The following METTL15 variants were observed in gnomAD, a reference collection of about 807,000 sequenced individuals.
METTL15 encodes methyltransferase 15, mitochondrial 12S rRNA N4-cytidine.
Under a neutral mutation model 38.3 loss-of-function variants are expected in METTL15, and 34 were observed. That is an observed-to-expected ratio of 0.89 (90% confidence interval 0.68 to 1.18). The LOEUF (loss-of-function observed/expected upper bound fraction) is 1.18, where lower values mean the gene tolerates loss of function less well. METTL15 is among the 50% of genes most tolerant of loss of function. The probability of loss-of-function intolerance (pLI) is 0.00; values close to 1 mark genes in which losing one functional copy is unlikely to be tolerated. For synonymous variants in METTL15, 162 were observed against 170.9 expected, an observed-to-expected ratio of 0.95 and a Z score of 0.41; for missense variants, 438 against 498.4, an observed-to-expected ratio of 0.88 and a Z score of 1.15.
At chr11:28,146,197 C>T (rs1014319140) in intron 3 of METTL15, among the ~76,000 whole-genome samples, 3 of 151,936 alleles carry the variant, frequency 2.0e-5, no homozygotes, top group East Asian at 1.9e-4. Flanking sequence ...CATATCCTTC[C>T]GGTCATCTAA....
intron 4 of METTL15, among the ~76,000 whole-genome samples, chr11:28,289,986 T>C (rs1177230114): frequency 6.6e-6 from 1 of 152,160 alleles, no homozygotes; most frequent in Non-Finnish European, 1.5e-5. Flanking sequence ...ATAAATTGTG[T>C]TTATCAGCAG....
At chr11:28,128,242 A>G (rs891257476) in intron 3 of METTL15, among the ~76,000 whole-genome samples, 1 of 151,998 alleles carries the variant, frequency 6.6e-6, no homozygotes, top group Non-Finnish European at 1.5e-5. Flanking sequence ...TTAAGGATAG[A>G]AAAAAAATTA....
chr11:28,365,534 C>A (rs572527165), intron 5 of METTL15, among the ~76,000 whole-genome samples: 1 of 152,048 alleles, frequency 6.6e-6, no homozygotes, highest in Non-Finnish European at 1.5e-5. Flanking sequence ...TTTGTCATAT[C>A]TGATTGCATT....
At chr11:28,205,677 G>T (rs1246934122) in intron 3 of METTL15, among the ~76,000 whole-genome samples, 4 of 151,318 alleles carry the variant, frequency 2.6e-5, no homozygotes, top group African/African-American at 9.8e-5. Context: ...CTGAGGAATC[G>T]CCACACTGAC....
At chr11:28,120,670 G>A (rs574469460) in intron 3 of METTL15, among the ~76,000 whole-genome samples, 12 of 152,124 alleles carry the variant, frequency 7.9e-5, no homozygotes, top group African/African-American at 2.9e-4. Flanking sequence ...TATCAATCAC[G>A]ATGCAGTTTT....
chr11:28,255,954 C>T (rs576172370), intron 4 of METTL15, among the ~76,000 whole-genome samples: 96 of 152,270 alleles, frequency 6.3e-4, no homozygotes, highest in African/African-American at 2.1e-3. Context: ...CCGCCTGCCT[C>T]GGACTCCCAA....
intron 3 of METTL15, among the ~76,000 whole-genome samples, chr11:28,144,690 A>G (rs1220931712): frequency 1.9e-4 from 29 of 152,042 alleles, no homozygotes; most frequent in Admixed American, 1.9e-3. Context: ...TCTCTCTTGT[A>G]GTGGTTTTTA....
At chr11:28,378,583 A>G (rs896491124) in intron 5 of METTL15, among the ~76,000 whole-genome samples, 1 of 152,090 alleles carries the variant, frequency 6.6e-6, no homozygotes, top group Non-Finnish European at 1.5e-5. Context: ...TGAACCGGGT[A>G]CCTCAGATGG....
intron 5 of METTL15, among the ~76,000 whole-genome samples, chr11:28,380,277 C>T (rs1386551626): frequency 6.6e-6 from 1 of 150,438 alleles, no homozygotes; most frequent in African/African-American, 2.4e-5. Flanking sequence ...ACACCATTCT[C>T]CTGCCTCAGC....
chr11:28,310,355 C>T (rs1857231397), intron 6 of METTL15, among the ~76,000 whole-genome samples: 1 of 151,018 alleles, frequency 6.6e-6, no homozygotes, highest in African/African-American at 2.4e-5. Flanking sequence ...CAGAGGTACA[C>T]ACACACACAC....
chr11:28,210,467 T>C (rs1306212848), intron 3 of METTL15, among the ~76,000 whole-genome samples: 1 of 151,868 alleles, frequency 6.6e-6, no homozygotes, highest in East Asian at 1.9e-4. Flanking sequence ...TTACCCTAGG[T>C]ATTTTGACTT....
Position 28,400,205 on chromosome 11 carries a change from G to A in METTL15, c.*359-24094G>A, listed in dbSNP as rs1276268197. On this transcript the variant is annotated intron_variant and NMD_transcript_variant, in intron 5 of 7. Transcript: ENST00000532947. ...CCATCATTTATTGATCATCTACTAT[G>A]TGTAGCATTTTATAAAGCAAATTTT... Among the ~76,000 whole-genome samples the A allele has an allele frequency of 4.0e-5, 6 of 150,360 alleles. No homozygotes were observed. The South Asian group carries it at 6.3e-4, about 16-fold the overall frequency.
intron 4 of METTL15, among the ~76,000 whole-genome samples, chr11:28,258,966 A>G (rs1207446398): frequency 6.6e-6 from 1 of 152,070 alleles, no homozygotes; most frequent in East Asian, 1.9e-4. Flanking sequence ...CATAGCCAGT[A>G]CAGCTGGGAA....
intron 5 of METTL15, among the ~76,000 whole-genome samples, chr11:28,368,128 C>CAAAA (rs796151908): frequency 3.1e-5 from 1 of 32,594 alleles, no homozygotes; most frequent in Non-Finnish European, 5.8e-5. Flanking sequence ...TTCTGCATAG[C>CAAAA]AAAAAAAAAA....
Position 28,246,163 on chromosome 11 carries a change from A to C in METTL15, c.407+34965A>C, listed in dbSNP as rs188362269. On this transcript the variant is annotated intron_variant, in intron 4 of 6. Transcript: ENST00000407364. ...TATAGTTAATAGTAATATATTGTAC[A>C]TTTCAAAATAGCTAGAAGAAAATAA... Among the ~76,000 whole-genome samples, 526 of 152,322 alleles carry C rather than the reference A, an allele frequency of 3.5e-3. 2 individuals are homozygous for C. The highest frequency in any genetic ancestry group is 8.9e-3 in the South Asian group (43 of 4,832).
intron 3 of METTL15, among the ~76,000 whole-genome samples, chr11:28,146,016 T>C (rs1438645362): frequency 1.3e-5 from 2 of 152,100 alleles, no homozygotes; most frequent in African/African-American, 2.4e-5. Context: ...CATTGAACAC[T>C]TTAATGTTGG....
At chr11:28,488,779 A>G (rs1239878403) in intron 6 of METTL15, among the ~76,000 whole-genome samples, 1 of 152,052 alleles carries the variant, frequency 6.6e-6, no homozygotes, top group Non-Finnish European at 1.5e-5. Context: ...TGACCCCACG[A>G]TACTTTTTTT....
At chr11:28,315,728 C>G (rs780827993) in intron 6 of METTL15, among the ~76,000 whole-genome samples, 3 of 152,198 alleles carry the variant, frequency 2.0e-5, no homozygotes, top group African/African-American at 4.8e-5. Context: ...GCCCAAGGCC[C>G]CCCTGTTCTG....
chr11:28,311,759 G>C (rs944548734), intron 6 of METTL15, among the ~76,000 whole-genome samples: 1 of 152,244 alleles, frequency 6.6e-6, no homozygotes, highest in African/African-American at 2.4e-5. Flanking sequence ...TAGATGTCTA[G>C]AGATATGTTT....
Sources: gnomAD v4.1 joint callset for allele counts (sites outside exome capture counted in the v4.1 genomes callset) on GRCh38, gnomAD v4.1.1 for gene constraint, MANE v1.5 for transcripts, NCBI Gene and HGNC (gene_info 2026-07-23, HGNC 2026-07-21) for gene names.